The following PANK4 variants were observed in gnomAD, a reference collection of about 807,000 sequenced individuals.
The protein encoded by PANK4 is 4'-phosphopantetheine phosphatase.
In PANK4, 40 loss-of-function variants were observed where a neutral mutation model predicts 87.9. The observed-to-expected ratio is 0.46, with a 90% confidence interval of 0.35 to 0.59. The LOEUF (loss-of-function observed/expected upper bound fraction) is 0.59, where lower values mean the gene tolerates loss of function less well. PANK4 is among the 20% of genes least tolerant of loss of function. The probability of loss-of-function intolerance (pLI) is 0.00; values close to 1 mark genes in which losing one functional copy is unlikely to be tolerated. For missense variants in PANK4, 926 were observed against 1,072.3 expected, an observed-to-expected ratio of 0.86 and a Z score of 1.90; for synonymous variants, 524 against 467.4, an observed-to-expected ratio of 1.12 and a Z score of -1.56.
Position 2,520,971 on chromosome 1 carries a change from G to A in PANK4, c.423-65C>T. On this transcript the variant is annotated intron_variant, in intron 3 of 18. Transcript: ENST00000378466. This position sits in a 1 kb window ranked among gnomAD's most constrained non-coding sequence, Gnocchi z 6.2. ...CAGACAGGTGCAACCATGCAAGCCTGCCTGGTCCGAAGGGGCAGCCATGCC... is the reference window on the plus strand; with the variant it reads ...CAGACAGGTGCAACCATGCAAGCCTACCTGGTCCGAAGGGGCAGCCATGCC... The A allele has an allele frequency of 6.5e-7, 1 of 1,532,032 alleles. No homozygotes were observed. The highest frequency in any genetic ancestry group is 1.3e-5 in the South Asian group (1 of 79,998). 94.9% of individuals were successfully genotyped at this position (1,532,032 alleles called of 1,614,324 possible). A position where few individuals can be genotyped will look rare whatever the true frequency, so the allele number is the denominator to read the frequency against.
At chr1:2,525,791 A>G (rs1007698419) in intron 1 of PANK4, 2 of 152,320 alleles carry the variant, frequency 1.3e-5, no homozygotes, top group African/African-American at 4.8e-5. Context: ...AGGCCAGGGC[A>G]GAAGTGCAGG....
chr1:2,517,495 G>A (rs1361435722), intron 9 of PANK4, among the ~76,000 whole-genome samples: 3 of 152,370 alleles, frequency 2.0e-5, no homozygotes, highest in East Asian at 1.9e-4. Flanking sequence ...CCCCGCGGGG[G>A]GGCACGGTCG....
Position 2,519,850 on chromosome 1 carries a change from G to C in PANK4, c.804C>G (p.Ser268Arg). Reference sequence around the variant, plus strand: ...CGAAGCTGCTGGCGATGAGGTTCCCGCTCAGCCCGAGAGTCTGGTGGGCGC... The same window carrying C: ...CGAAGCTGCTGGCGATGAGGTTCCCCCTCAGCCCGAGAGTCTGGTGGGCGC... ...YGGAHQTLGLSGNLIASSFGK... is the reference protein window; with the variant it reads ...YGGAHQTLGLRGNLIASSFGK... Residue 268 changes from serine (S) to arginine (R), a missense_variant, in exon 6 of 19, where the codon AGC (serine) becomes AGG (arginine). By Grantham distance (110) the Ser-to-Arg change is moderately radical. Transcript: ENST00000378466. This position sits in a 1 kb window ranked among gnomAD's most constrained non-coding sequence, Gnocchi z 8.3. The C allele has an allele frequency of 6.3e-7, 1 of 1,575,198 alleles. No homozygotes were observed. Among genetic ancestry groups the C allele is most frequent in the Non-Finnish European group, 8.6e-7 (1 of 1,161,194 alleles).
At position 2,518,602 on chromosome 1, in the gene PANK4, C is replaced by T. The variant is rs1341769392; in HGVS notation, c.1036-5G>A. 3 of 1,564,278 alleles carry T rather than the reference C, an allele frequency of 1.9e-6. No homozygotes were observed. Among genetic ancestry groups the T allele is most frequent in the South Asian group, 1.2e-5 (1 of 85,282 alleles). ...AAACAGCGCCTGCACTTCCCCCTGC[C>T]GTGGCCAAAGCACACGTGCTGCTGT... On this transcript the variant is annotated splice_region_variant and splice_polypyrimidine_tract_variant and intron_variant, in intron 7 of 18. Coordinates refer to ENST00000378466, the MANE Select transcript of PANK4 (RefSeq NM_018216.4).
Position 2,515,981 on chromosome 1 carries a change from A to C in PANK4, c.1219-264T>G. ...CCTGCCCCCAGCACCTCCCCGCTGC[A>C]GCCACACCTCCCCAATCACCGCTGC... On this transcript the variant is annotated intron_variant, in intron 9 of 18. Coordinates refer to ENST00000378466, the MANE Select transcript of PANK4 (RefSeq NM_018216.4). This position sits in a 1 kb window ranked among gnomAD's most constrained non-coding sequence, Gnocchi z 5.0. 1 of 548,726 alleles carries C rather than the reference A, an allele frequency of 1.8e-6. No individual in the cohort carries two copies. Among genetic ancestry groups the C allele is most frequent in the East Asian group, 3.1e-5 (1 of 32,338 alleles). The allele number at this position is 548,726 out of a possible 1,614,324, so 34.0% of individuals were successfully genotyped here.
rs199598988 is a variant in PANK4, at chr1:2,520,316, G to A, written c.699+6C>T. ...CCCTGGAAGGTCTCTGGCAGCTGCCGCATACCTTCGTTTTGGTGAGCAGAG... is the reference window on the plus strand; with the variant it reads ...CCCTGGAAGGTCTCTGGCAGCTGCCACATACCTTCGTTTTGGTGAGCAGAG... On this transcript the variant is annotated splice_donor_region_variant and intron_variant, in intron 5 of 18. Coordinates refer to ENST00000378466, the MANE Select transcript of PANK4 (RefSeq NM_018216.4). The surrounding 1 kb of genome is among the most constrained non-coding windows in gnomAD (Gnocchi z 6.2). 497 of 1,610,950 alleles carry A rather than the reference G, an allele frequency of 3.1e-4. No homozygotes were observed. The highest frequency in any genetic ancestry group is 3.9e-4 in the Non-Finnish European group (457 of 1,178,304).
chr1:2,513,954 C>G, intron 12 of PANK4, 48 bp downstream of exon 12: 1 of 1,352,254 alleles, frequency 7.4e-7, no homozygotes, highest in Non-Finnish European at 1.1e-6. Flanking sequence ...GCGGTGCCAG[C>G]GGGACGGGGA....
intron 9 of PANK4, among the ~76,000 whole-genome samples, chr1:2,516,249 C>A (rs941001938): frequency 6.6e-6 from 1 of 152,098 alleles, no homozygotes; most frequent in Non-Finnish European, 1.5e-5. Context: ...AGTCCCCACG[C>A]CCCACATGCA....
rs986085566 is a variant in PANK4, at chr1:2,509,742, T to C, written c.2108+120A>G. 9.5e-6 allele frequency: 8 copies of C among 837,984 alleles called. No homozygotes were observed. In the African/African-American group the frequency reaches 1.2e-4, roughly 12 times the overall value. 51.9% of individuals were successfully genotyped at this position (837,984 alleles called of 1,614,324 possible). ...TCCTGAGATCAATCCGGGCCTGGGG[T>C]CAGGAGAGGCCGCAGGGGCAGTCCT... On this transcript the variant is annotated intron_variant, in intron 18 of 18. Transcript: ENST00000378466. The surrounding 1 kb of genome is among the most constrained non-coding windows in gnomAD (Gnocchi z 4.9).
chr1:2,517,797 CT>C (rs1441232593), intron 9 of PANK4, among the ~76,000 whole-genome samples: 18 of 152,376 alleles, frequency 1.2e-4, no homozygotes. Context: ...AGGCAGGGCC[CT>C]GGGTGGCTCC....
In PANK4 at chr1:2,511,213, G is replaced by C. The variant is rs1643655079; in HGVS notation, c.1833+125C>G. The C allele has an allele frequency of 5.6e-6, 4 of 708,942 alleles. No individual in the cohort carries two copies. The South Asian group carries it at 6.5e-5, about 12-fold the overall frequency. The allele number at this position is 708,942 out of a possible 1,614,324, so 43.9% of individuals were successfully genotyped here. ...GGATGCTGAGACCCTTGGCTCGCAGGATGGTGAGACTCTAACAGGAGGGGA... is the reference window on the plus strand; with the variant it reads ...GGATGCTGAGACCCTTGGCTCGCAGCATGGTGAGACTCTAACAGGAGGGGA... On this transcript the variant is annotated intron_variant, in intron 15 of 18. Transcript: ENST00000378466.
Position 2,510,496 on chromosome 1 carries a change from G to T in PANK4, c.1938+182C>A, listed in dbSNP as rs182435523. On this transcript the variant is annotated intron_variant, in intron 16 of 18. Transcript: ENST00000378466. This position sits in a 1 kb window ranked among gnomAD's most constrained non-coding sequence, Gnocchi z 4.9. Reference sequence around the variant, plus strand: ...ACATGGACCCTCAGCCTGAGCCCAGGGGGCTCGGAGCCTCCACCCCAGCAG... The same window carrying T: ...ACATGGACCCTCAGCCTGAGCCCAGTGGGCTCGGAGCCTCCACCCCAGCAG... The T allele has an allele frequency of 3.1e-4, 188 of 614,830 alleles. No individual in the cohort carries two copies. The East Asian group carries it at 4.9e-3, about 16-fold the overall frequency. 38.1% of individuals were successfully genotyped at this position (614,830 alleles called of 1,614,324 possible).
intron 1 of PANK4, among the ~76,000 whole-genome samples, chr1:2,523,826 G>A (rs1643898163): frequency 6.6e-6 from 1 of 152,248 alleles, no homozygotes; most frequent in Admixed American, 6.5e-5. Flanking sequence ...ACAGCAAACC[G>A]CGCCTGGCAA....
rs1425307932 is a variant in PANK4 at position 2,514,062 on chromosome 1, G to A, written c.1515C>T (p.Ser505=). ...PFAYGTLTVR[S]LLDTREHCLN... ...GACAGTGCTCCCTGGTGTCCAGCAGGCTGCGCACGGTCAGGGTCCCATAGG... is the reference window on the plus strand; with the variant it reads ...GACAGTGCTCCCTGGTGTCCAGCAGACTGCGCACGGTCAGGGTCCCATAGG... The change falls in exon 12 of 19, where the codon AGC becomes AGT. Residue 505 remains serine (S), a synonymous_variant. Coordinates refer to ENST00000378466, the MANE Select transcript of PANK4 (RefSeq NM_018216.4). The A allele has an allele frequency of 5.0e-6, 8 of 1,612,700 alleles. No individual in the cohort carries two copies. In the East Asian group the frequency reaches 1.6e-4, roughly 31 times the overall value.
chr1:2,526,231 G>A (rs1282420341), intron 1 of PANK4: 4 of 155,462 alleles, frequency 2.6e-5, no homozygotes, highest in Non-Finnish European at 4.2e-5. Flanking sequence ...TGGTCCCTGC[G>A]GCGCCTGCCG....
chr1:2,523,707 C>T (rs185644741), intron 1 of PANK4, among the ~76,000 whole-genome samples: 17 of 152,324 alleles, frequency 1.1e-4, no homozygotes, highest in African/African-American at 4.1e-4. Flanking sequence ...GGGGACAAAA[C>T]GGGACCTGAG....
intron 10 of PANK4, among the ~76,000 whole-genome samples, chr1:2,514,677 T>C (rs1235933250): frequency 2.9e-5 from 2 of 70,128 alleles, no homozygotes; most frequent in Non-Finnish European, 4.7e-5. Flanking sequence ...ATGGGGGGCT[T>C]CCCGGGGCAG....
intron 9 of PANK4, among the ~76,000 whole-genome samples, chr1:2,517,308 G>A (rs931220669): frequency 2.6e-5 from 4 of 152,214 alleles, no homozygotes; most frequent in African/African-American, 9.6e-5. Flanking sequence ...AAAGGGAGGC[G>A]CCCTCCTGAG....
chr1:2,513,062 G>A, intron 12 of PANK4, 23 bp from the exon 13 acceptor site: 1 of 1,572,038 alleles, frequency 6.4e-7, no homozygotes, highest in South Asian at 1.1e-5. Context: ...CCAGATGCCA[G>A]GCCTGAGTGA....
Sources: allele counts gnomAD v4.1 joint callset (sites outside exome capture counted in the v4.1 genomes callset), GRCh38; gene constraint gnomAD v4.1.1; non-coding constraint Gnocchi (gnomAD v3.1); transcripts MANE v1.5; gene names NCBI Gene and HGNC (gene_info 2026-07-23, HGNC 2026-07-21).